The following CACNA1I variants were observed in gnomAD, a reference collection of about 807,000 sequenced individuals.
CACNA1I encodes the protein voltage-dependent T-type calcium channel subunit alpha-1I.
Under a neutral mutation model 201.6 loss-of-function variants are expected in CACNA1I, and 74 were observed. The observed-to-expected ratio is 0.37, with a 90% CI of 0.30 to 0.45. The LOEUF (loss-of-function observed/expected upper bound fraction) is 0.45. Ranked by LOEUF, CACNA1I falls within the 20% of genes least tolerant of loss-of-function variation. CACNA1I has a pLI of 1.00. For missense variants in CACNA1I, 2,346 were observed against 3,138.1 expected (o/e 0.75, Z 6.03); for synonymous variants, 1,431 against 1,345.2 (o/e 1.06, Z -1.40).
chr22:39,586,330 A>G (rs1250430597), intron 1 of CACNA1I, among the ~76,000 whole-genome samples: 1 of 152,016 alleles, frequency 6.6e-6, no homozygotes, highest in Non-Finnish European at 1.5e-5. Flanking sequence ...CTTCTCTACT[A>G]AAAATACAAA....
chr22:39,585,090 G>T (rs1434995518), intron 1 of CACNA1I, among the ~76,000 whole-genome samples: 1 of 151,928 alleles, frequency 6.6e-6, no homozygotes, highest in Admixed American at 6.6e-5. Context: ...ATAGAGTTTC[G>T]CTTTTGTTGC....
chr22:39,684,263 A>AGCGT lies in CACNA1I; in HGVS notation c.5831-36_5831-33dup, dbSNP rs753918473. Reference sequence around the variant, plus strand: ...CTTCCAGGGGCTGCCCCCTGGCCTGAGCGTGCTCCCTCAGCTCTGTCTTCT... The same window carrying AGCGT: ...CTTCCAGGGGCTGCCCCCTGGCCTGAGCGTGCGTGCTCCCTCAGCTCTGTCTTCT... On this transcript the variant is annotated intron_variant, in intron 35 of 36. Transcript: ENST00000402142. This position sits in a 1 kb window ranked among gnomAD's most constrained non-coding sequence, Gnocchi z 4.6. The AGCGT allele has an allele frequency of 6.3e-6, 10 of 1,593,884 alleles. No homozygotes were observed. The South Asian group carries it at 1.0e-4, about 16-fold the overall frequency.
intron 3 of CACNA1I, among the ~76,000 whole-genome samples, chr22:39,611,965 T>C (rs1480952015): frequency 1.3e-5 from 2 of 152,198 alleles, no homozygotes; most frequent in African/African-American, 2.4e-5. Context: ...TTTGGCCTCA[T>C]AGGTTTGTGT....
rs140829276 is a variant in CACNA1I, at chr22:39,609,136, G to A, written c.482+8483G>A. On this transcript the variant is annotated intron_variant, in intron 3 of 36. Transcript: ENST00000402142. ...ACGCTGACTGCTGAGTGCTCACACC[G>A]TGCATCATCCTGTTGAATGGTCAGA... Among the ~76,000 whole-genome samples, 1,100 of 152,286 alleles carry A rather than the reference G, an allele frequency of 7.2e-3. 13 individuals are homozygous for A. Among genetic ancestry groups the A allele is most frequent in the African/African-American group, 0.025 (1,046 of 41,538 alleles).
intron 20 of CACNA1I, 101 bp from the exon 21 acceptor site, chr22:39,664,638 G>T: frequency 5.1e-6 from 1 of 195,936 alleles, no homozygotes; most frequent in Non-Finnish European, 9.8e-6. Flanking sequence ...CCCCGAAGCC[G>T]ATCAGGCCTC....
intron 31 of CACNA1I, 92 bp downstream of exon 31, chr22:39,678,200 G>C: frequency 6.9e-7 from 1 of 1,445,436 alleles, no homozygotes; most frequent in Non-Finnish European, 9.4e-7. Flanking sequence ...CCCACCCAGG[G>C]CCCCACCACA....
At position 39,684,304 on chromosome 22, in the gene CACNA1I, C is replaced by A. The variant is rs760514353; in HGVS notation, c.5833C>A (p.Pro1945Thr). 2.5e-6 allele frequency: 4 copies of A among 1,613,108 alleles called. No individual in the cohort carries two copies. The highest frequency in any genetic ancestry group is 1.3e-5 in the African/African-American group (1 of 74,920). Residue 1945 changes from proline to threonine, a missense_variant and splice_region_variant, in exon 36 of 37, where the codon CCC (proline) becomes ACC (threonine). Around this residue, in one of 13 missense-constraint regions of CACNA1I, gnomAD observed 441 missense variants for 555.6 expected, o/e 0.79. Transcript: ENST00000402142. This position sits in a 1 kb window ranked among gnomAD's most constrained non-coding sequence, Gnocchi z 4.6. ...TCTGTCTTCTCCTTTCCCAGCAGCA[C>A]CCCCAAGTCCCTTCTCCCCGGATGC... ...SWLKHDSSQA[P>T]PSPFSPDASS...
intron 5 of CACNA1I, among the ~76,000 whole-genome samples, chr22:39,636,516 C>T (rs775626202): frequency 1.3e-5 from 2 of 152,074 alleles, no homozygotes; most frequent in Admixed American, 6.5e-5. Context: ...GTCGGTGTTG[C>T]GTGAAAAAGG....
intron 1 of CACNA1I, among the ~76,000 whole-genome samples, chr22:39,596,486 A>G (rs190601372): frequency 0.024 from 309 of 12,748 alleles, 4 homozygotes; most frequent in African/African-American, 0.052. Flanking sequence ...GGGGAGCAGG[A>G]TGGAGAGAGA....
intron 3 of CACNA1I, among the ~76,000 whole-genome samples, chr22:39,603,582 C>T (rs944464641): frequency 4.6e-5 from 7 of 152,080 alleles, no homozygotes; most frequent in Admixed American, 2.0e-4. Flanking sequence ...TTTATAAATA[C>T]AATATTCACC....
At chr22:39,654,925 C>T (rs1444908044) in intron 10 of CACNA1I, among the ~76,000 whole-genome samples, 6 of 151,998 alleles carry the variant, frequency 3.9e-5, no homozygotes, top group African/African-American at 9.7e-5. Context: ...ATGGGGAGCC[C>T]GGAAAGGCTT....
chr22:39,628,832 G>A (rs923649435), intron 4 of CACNA1I, among the ~76,000 whole-genome samples: 3 of 152,206 alleles, frequency 2.0e-5, no homozygotes, highest in East Asian at 1.9e-4. Flanking sequence ...GGCTCCCCTC[G>A]CCCCGACTCC....
At chr22:39,607,135 G>A (rs1019337130) in intron 3 of CACNA1I, among the ~76,000 whole-genome samples, 3 of 152,224 alleles carry the variant, frequency 2.0e-5, no homozygotes, top group South Asian at 2.1e-4. Context: ...AATGAGGTTT[G>A]CCAAGGACAT....
At chr22:39,640,711 G>A (rs1213019239) in intron 5 of CACNA1I, among the ~76,000 whole-genome samples, 156 bp from the exon 6 acceptor site, 8 of 152,198 alleles carry the variant, frequency 5.3e-5, no homozygotes, top group Non-Finnish European at 8.8e-5. Context: ...CATAACAGAG[G>A]TGGGGAAGGG....
chr22:39,596,744 C>G (rs1339731607), intron 1 of CACNA1I, among the ~76,000 whole-genome samples: 1 of 151,854 alleles, frequency 6.6e-6, no homozygotes, highest in African/African-American at 2.4e-5. Context: ...CCCAGGGGGC[C>G]GATGGGGAGG....
chr22:39,605,524 A>C (rs1195067985), intron 3 of CACNA1I, among the ~76,000 whole-genome samples: 1 of 152,194 alleles, frequency 6.6e-6, no homozygotes, highest in Non-Finnish European at 1.5e-5. Context: ...AGCATCTACT[A>C]CATGCCAGGC....
At chr22:39,593,013 G>A (rs973631286) in intron 1 of CACNA1I, among the ~76,000 whole-genome samples, 9 of 152,246 alleles carry the variant, frequency 5.9e-5, no homozygotes, top group African/African-American at 1.9e-4. Flanking sequence ...CTTGGAAGGG[G>A]CCCAAGCTTT....
At position 39,679,423 on chromosome 22, in the gene CACNA1I, G is replaced by A. The variant is rs1212353480; in HGVS notation, c.5372G>A (p.Arg1791Gln). ...GGGDTEGGLC[R>Q]RCYSPAQENL... ...GGCGACACCGAGGGCGGCTTGTGCC[G>A]GCGCTGCTACTCGCCTGCCCAGGTG... Residue 1791 changes from arginine (R) to glutamine (Q), a missense_variant, in exon 32 of 37, where the codon CGG (arginine) becomes CAG (glutamine). By Grantham distance (43) the Arg-to-Gln change is conservative. This residue lies in a region of CACNA1I where 441 missense variants were observed against 555.6 expected (regional missense o/e 0.79). Coordinates refer to ENST00000402142, the MANE Select transcript of CACNA1I (RefSeq NM_021096.4). 12 of 1,427,972 alleles carry A rather than the reference G, an allele frequency of 8.4e-6. No individual in the cohort carries two copies. Among genetic ancestry groups the A allele is most frequent in the Admixed American group, 3.1e-5 (1 of 31,832 alleles). 88.5% of individuals were successfully genotyped at this position (1,427,972 alleles called of 1,614,324 possible).
rs138244422 is a variant in CACNA1I, at chr22:39,592,445, C to T, written c.237-5706C>T. Reference sequence around the variant, plus strand: ...TGTGGAGCTGGGACAGATTTCTGCCCCTGTTTTCCATCAGTGCAATGAGGG... The same window carrying T: ...TGTGGAGCTGGGACAGATTTCTGCCTCTGTTTTCCATCAGTGCAATGAGGG... On this transcript the variant is annotated intron_variant, in intron 1 of 36. Transcript: ENST00000402142. Among the ~76,000 whole-genome samples, 1,170 of 152,250 alleles carry T rather than the reference C, an allele frequency of 7.7e-3. 18 individuals are homozygous for T. The highest frequency in any genetic ancestry group is 0.027 in the African/African-American group (1,124 of 41,526).
Sources: gnomAD v4.1 joint callset for allele counts (sites outside exome capture counted in the v4.1 genomes callset) on GRCh38, gnomAD v4.1.1 for gene constraint, gnomAD v4.1.1 regional missense constraint, Gnocchi (gnomAD v3.1) non-coding constraint, MANE v1.5 for transcripts, NCBI Gene and HGNC (gene_info 2026-07-23, HGNC 2026-07-21) for gene names.